ZCWPW2: variants seen among roughly 807,000 people sequenced by gnomAD.
ZCWPW2 encodes the protein zinc finger CW-type PWWP domain protein 2.
A neutral mutation model predicts 46.6 loss-of-function variants in ZCWPW2; 45 were observed. That is an observed-to-expected ratio of 0.96 (90% CI 0.76 to 1.24). The LOEUF (loss-of-function observed/expected upper bound fraction) is 1.24. Among genes scored for constraint, ZCWPW2 ranks in the 50% most tolerant of loss-of-function variants. The pLI, the probability that ZCWPW2 is intolerant of heterozygous loss-of-function variation, is 0.00. For synonymous variants in ZCWPW2, 152 were observed against 137.1 expected, an observed-to-expected ratio of 1.11 and a Z score of -0.76; for missense variants, 429 against 403.9, an observed-to-expected ratio of 1.06 and a Z score of -0.53.
chr3:28,435,549 G>A (rs1697448185), intron 4 of ZCWPW2, among the ~76,000 whole-genome samples: 1 of 147,722 alleles, frequency 6.8e-6, no homozygotes, highest in South Asian at 2.1e-4. Context: ...GCAATGGCGC[G>A]ATCTCGGCTC....
At chr3:28,443,526 G>A (rs1051093889) in intron 4 of ZCWPW2, among the ~76,000 whole-genome samples, 11 of 152,014 alleles carry the variant, frequency 7.2e-5, no homozygotes, top group South Asian at 2.1e-4. Context: ...AGTAGGCTTC[G>A]TATCAATTGC....
intron 2 of ZCWPW2, among the ~76,000 whole-genome samples, chr3:28,401,148 C>T (rs1695911546): frequency 1.3e-5 from 2 of 151,212 alleles, no homozygotes; most frequent in Non-Finnish European, 2.9e-5. Context: ...CCCTGCACTC[C>T]AGCCTGGGCG....
At chr3:28,381,783 C>T (rs541869990) in intron 1 of ZCWPW2, among the ~76,000 whole-genome samples, 85 of 152,146 alleles carry the variant, frequency 5.6e-4, no homozygotes, top group Admixed American at 8.5e-4. Context: ...GAACCCTTAT[C>T]TCAAAAACAA....
At chr3:28,413,532 A>G (rs1696493605) in intron 3 of ZCWPW2, 132 bp downstream of exon 3, 2 of 775,374 alleles carry the variant, frequency 2.6e-6, no homozygotes, top group Admixed American at 6.5e-5. Flanking sequence ...TCTTTTCCAT[A>G]CTTCTTTGGA....
At chr3:28,516,937 A>G (rs1328408254) in intron 8 of ZCWPW2, among the ~76,000 whole-genome samples, 1 of 152,172 alleles carries the variant, frequency 6.6e-6, no homozygotes, top group Non-Finnish European at 1.5e-5. Context: ...ACCTGAGCCC[A>G]GGAGTTTGAG....
At chr3:28,395,934 T>C (rs1307366970) in intron 2 of ZCWPW2, among the ~76,000 whole-genome samples, 5 of 152,128 alleles carry the variant, frequency 3.3e-5, no homozygotes. Context: ...AGGTGATTGG[T>C]TTATTAACTT....
chr3:28,497,428 T>C (rs1700021890), intron 6 of ZCWPW2, among the ~76,000 whole-genome samples: 1 of 152,108 alleles, frequency 6.6e-6, no homozygotes, highest in East Asian at 1.9e-4. Flanking sequence ...CAGTCATATA[T>C]TGATGAATAT....
rs573486577 is a variant in ZCWPW2 at position 28,506,148 on chromosome 3, C to G, written c.658-7916C>G. Reference sequence around the variant, plus strand: ...TATATTTTTAATATATATATATAGTCTTTCCATGTAACCACATTGTTTTTT... The same window carrying G: ...TATATTTTTAATATATATATATAGTGTTTCCATGTAACCACATTGTTTTTT... On this transcript the variant is annotated intron_variant, in intron 6 of 9. Coordinates refer to ENST00000383768, the MANE Select transcript of ZCWPW2 (RefSeq NM_001040432.4). Among the ~76,000 whole-genome samples the G allele has an allele frequency of 8.1e-5, 12 of 147,932 alleles. No individual in the cohort carries two copies. The South Asian group carries it at 2.5e-3, about 31-fold the overall frequency.
In ZCWPW2 at chr3:28,521,009, G is replaced by A. The variant is rs1279481528; in HGVS notation, c.802G>A (p.Val268Ile). 1 of 1,613,470 alleles carries A rather than the reference G, an allele frequency of 6.2e-7. No homozygotes were observed. The highest frequency in any genetic ancestry group is 1.7e-5 in the Admixed American group (1 of 59,938). ...TTTTTTAGTTGTCTGTGAGACGGAA[G>A]TTTTACTAAAAGAGCTGGAGCAAAT... ...KENRVVCETEVLLKELEQMLQ... is the reference protein window; with the variant it reads ...KENRVVCETEILLKELEQMLQ... Residue 268 changes from valine (V) to isoleucine (I), a missense_variant, in exon 9 of 10, where the codon GTT becomes ATT. Transcript: ENST00000383768.
intron 6 of ZCWPW2, among the ~76,000 whole-genome samples, chr3:28,492,427 T>A (rs1422156034): frequency 6.6e-6 from 1 of 152,004 alleles, no homozygotes. Flanking sequence ...TAAATGAGTG[T>A]TTTTACTTAA....
chr3:28,509,582 A>G (rs950336549), intron 6 of ZCWPW2, among the ~76,000 whole-genome samples: 1 of 152,114 alleles, frequency 6.6e-6, no homozygotes, highest in Non-Finnish European at 1.5e-5. Context: ...CTAATGACTA[A>G]TGATATTAAG....
intron 4 of ZCWPW2, among the ~76,000 whole-genome samples, chr3:28,461,950 T>A (rs1395230714): frequency 6.6e-6 from 1 of 152,202 alleles, no homozygotes; most frequent in Non-Finnish European, 1.5e-5. Flanking sequence ...TTCCCTACAA[T>A]TAACCAGACA....
At chr3:28,366,762 C>T (rs1705133326) in intron 1 of ZCWPW2, among the ~76,000 whole-genome samples, 1 of 152,184 alleles carries the variant, frequency 6.6e-6, no homozygotes, top group Non-Finnish European at 1.5e-5. Context: ...GGCTGTGAAT[C>T]CATCTGGTCC....
At chr3:28,361,435 A>G (rs182329255) in intron 1 of ZCWPW2, among the ~76,000 whole-genome samples, 2 of 152,316 alleles carry the variant, frequency 1.3e-5, no homozygotes, top group East Asian at 3.9e-4. Flanking sequence ...ATAAAACTCT[A>G]GAAGAAAATG....
intron 2 of ZCWPW2, among the ~76,000 whole-genome samples, chr3:28,390,865 T>C (rs533967860): frequency 6.6e-6 from 1 of 152,290 alleles, no homozygotes; most frequent in South Asian, 2.1e-4. Flanking sequence ...GTGGATAACA[T>C]CATTTTGGGT....
chr3:28,433,955 A>G (rs1229971489), intron 3 of ZCWPW2, among the ~76,000 whole-genome samples: 1 of 148,614 alleles, frequency 6.7e-6, no homozygotes, highest in African/African-American at 2.5e-5. Flanking sequence ...TATCTGTGAT[A>G]TTCCTCCTCA....
chr3:28,453,290 G>A (rs1698296388), intron 4 of ZCWPW2, among the ~76,000 whole-genome samples: 2 of 152,164 alleles, frequency 1.3e-5, no homozygotes, highest in Non-Finnish European at 2.9e-5. Context: ...CAACTAAATT[G>A]TTGAATTCAC....
intron 3 of ZCWPW2, among the ~76,000 whole-genome samples, chr3:28,424,213 T>C (rs1243737342): frequency 6.8e-6 from 1 of 148,084 alleles, no homozygotes; most frequent in Admixed American, 6.9e-5. Context: ...AGAGAGACTG[T>C]GGTGGTCTTA....
intron 5 of ZCWPW2, among the ~76,000 whole-genome samples, chr3:28,489,662 ACGCGCG>A (rs749223593): frequency 9.1e-5 from 6 of 66,220 alleles, no homozygotes; most frequent in African/African-American, 2.9e-4. Flanking sequence ...TCACACACAC[ACGCGCG>A]CACACACACA....
Sources: allele counts gnomAD v4.1 joint callset (sites outside exome capture counted in the v4.1 genomes callset), GRCh38; gene constraint gnomAD v4.1.1; transcripts MANE v1.5; gene names NCBI Gene and HGNC (gene_info 2026-07-23, HGNC 2026-07-21).